The following AP3B1 variants were observed in gnomAD, a reference collection of about 807,000 sequenced individuals.
AP3B1 encodes the protein adaptor related protein complex 3 subunit beta 1, also known as AP-3 complex subunit beta-1.
A neutral mutation model predicts 132.5 loss-of-function variants in AP3B1; 61 were observed. That is an observed-to-expected ratio of 0.46 (90% CI 0.37 to 0.57). The LOEUF (loss-of-function observed/expected upper bound fraction) is 0.57, where lower values mean the gene tolerates loss of function less well. Among genes scored for constraint, AP3B1 ranks in the 20% least tolerant of loss-of-function variants. The probability of loss-of-function intolerance (pLI) is 0.00; values close to 1 mark genes in which losing one functional copy is unlikely to be tolerated. For missense variants in AP3B1, 1,120 were observed against 1,289.4 expected (o/e 0.87, Z 2.01); for synonymous variants, 388 against 438.3 (o/e 0.89, Z 1.43).
intron 2 of AP3B1, among the ~76,000 whole-genome samples, chr5:78,262,021 G>C (rs186279838): frequency 8.6e-5 from 13 of 152,046 alleles, no homozygotes; most frequent in African/African-American, 3.1e-4. Context: ...CGCCCACCTC[G>C]ACCTCCCAAA....
At chr5:78,267,479 T>TC in intron 2 of AP3B1, 41 bp downstream of exon 2, 4 of 1,164,910 alleles carry the variant, frequency 3.4e-6, no homozygotes, top group Non-Finnish European at 5.2e-6. Flanking sequence ...TCACTGCTTG[T>TC]CCATTTTTCC....
At chr5:78,080,071 C>T (rs943192244) in intron 22 of AP3B1, among the ~76,000 whole-genome samples, 6 of 152,090 alleles carry the variant, frequency 3.9e-5, no homozygotes, top group East Asian at 1.9e-4. Flanking sequence ...TGCAGTGGTG[C>T]GATCCTGGCT....
chr5:78,121,935 C>A (rs1752223621), intron 17 of AP3B1: 1 of 152,238 alleles, frequency 6.6e-6, no homozygotes, highest in Non-Finnish European at 1.5e-5. Flanking sequence ...AACATTGATG[C>A]AAAAATACTC....
intron 20 of AP3B1, among the ~76,000 whole-genome samples, chr5:78,108,995 C>T (rs1007762370): frequency 1.3e-5 from 2 of 152,012 alleles, no homozygotes; most frequent in Admixed American, 6.6e-5. Flanking sequence ...TATTTACTGT[C>T]GATTTGTAAC....
chr5:78,058,871 C>A (rs1261553726), intron 22 of AP3B1, among the ~76,000 whole-genome samples: 1 of 152,130 alleles, frequency 6.6e-6, no homozygotes, highest in Admixed American at 6.5e-5. Flanking sequence ...AGTGCCATCA[C>A]CCTGCCCTCC....
At chr5:78,192,980 A>G (rs77045853) in intron 7 of AP3B1, among the ~76,000 whole-genome samples, 3,779 of 152,306 alleles carry the variant, frequency 0.025, 167 homozygotes, top group African/African-American at 0.083. Flanking sequence ...AAACTAAGAC[A>G]GACTATAAAA....
chr5:78,189,949 C>T (rs548099953), intron 7 of AP3B1, among the ~76,000 whole-genome samples: 286 of 143,626 alleles, frequency 2.0e-3, no homozygotes, highest in African/African-American at 6.9e-3. Context: ...AAAAATTATG[C>T]AAACTAATAA....
chr5:78,217,537 T>C (rs1746013363), intron 6 of AP3B1, among the ~76,000 whole-genome samples: 1 of 152,104 alleles, frequency 6.6e-6, no homozygotes, highest in South Asian at 2.1e-4. Context: ...GTTATAGATA[T>C]GGCAAGGAAG....
At chr5:78,128,270 A>G (rs1284729243) in intron 16 of AP3B1, 110 bp from the exon 17 acceptor site, 4 of 1,003,416 alleles carry the variant, frequency 4.0e-6, no homozygotes, top group East Asian at 2.8e-5. Context: ...ATGTCAAGGA[A>G]TAAATATAGA....
At chr5:78,194,166 G>A (rs1329623140) in intron 7 of AP3B1, among the ~76,000 whole-genome samples, 1 of 152,020 alleles carries the variant, frequency 6.6e-6, no homozygotes, top group Non-Finnish European at 1.5e-5. Flanking sequence ...AGCTAGCATG[G>A]CTGTTATGAA....
intron 2 of AP3B1, among the ~76,000 whole-genome samples, chr5:78,246,270 T>C (rs959714946): frequency 4.6e-5 from 7 of 152,318 alleles, no homozygotes; most frequent in African/African-American, 1.7e-4. Flanking sequence ...TTACTTACAA[T>C]GGGTATAGCC....
chr5:78,282,377 GAA>G lies in AP3B1; in HGVS notation c.128+12073_128+12074del, dbSNP rs34172654. Among the ~76,000 whole-genome samples, 20 of 141,554 alleles carry G rather than the reference GAA, an allele frequency of 1.4e-4. No individual in the cohort carries two copies. The East Asian group carries it at 1.6e-3, about 12-fold the overall frequency. 92.9% of individuals were successfully genotyped at this position (141,554 alleles called of 152,430 possible). A position where few individuals can be genotyped will look rare whatever the true frequency, so the allele number is the denominator to read the frequency against. Reference sequence around the variant, plus strand: ...AGGATACAAAAGAAGACTGAAAATTGAAAAAAAAAAAAAGTTTAAAACAAATA... The same window carrying G: ...AGGATACAAAAGAAGACTGAAAATTGAAAAAAAAAAAGTTTAAAACAAATA... On this transcript the variant is annotated intron_variant, in intron 1 of 26. Transcript: ENST00000255194.
At chr5:78,238,076 A>G (rs1746958039) in intron 3 of AP3B1, among the ~76,000 whole-genome samples, 1 of 152,224 alleles carries the variant, frequency 6.6e-6, no homozygotes, top group Non-Finnish European at 1.5e-5. Context: ...GCAGTGGGCA[A>G]GCAAGTGAAG....
At chr5:78,080,092 T>C (rs1749926449) in intron 22 of AP3B1, among the ~76,000 whole-genome samples, 1 of 152,218 alleles carries the variant, frequency 6.6e-6, no homozygotes, top group Non-Finnish European at 1.5e-5. Context: ...CTTGACAATC[T>C]CAGCCTCCTA....
chr5:78,245,051 T>C (rs1173028388), intron 2 of AP3B1, among the ~76,000 whole-genome samples: 3 of 150,486 alleles, frequency 2.0e-5, no homozygotes, highest in African/African-American at 4.9e-5. Flanking sequence ...AAACCACCCA[T>C]AGGGTACCCA....
At chr5:78,043,605 G>A in intron 22 of AP3B1, 1 of 483,684 alleles carries the variant, frequency 2.1e-6, no homozygotes, top group Non-Finnish European at 4.2e-6. Flanking sequence ...TTAAGGTGGA[G>A]GGTCACTTTG....
At chr5:78,031,661 G>T (rs1246582930) in intron 24 of AP3B1, among the ~76,000 whole-genome samples, 2 of 148,070 alleles carry the variant, frequency 1.4e-5, no homozygotes, top group Non-Finnish European at 2.9e-5. Context: ...TACTCATGCT[G>T]TGCTTGATGT....
chr5:78,154,878 G>T (rs1262260673), intron 14 of AP3B1, among the ~76,000 whole-genome samples: 1 of 152,114 alleles, frequency 6.6e-6, no homozygotes, highest in Non-Finnish European at 1.5e-5. Context: ...ATTTCTTTGA[G>T]TTTTCTCAAG....
chr5:78,177,315 A>C (rs1395767942), intron 9 of AP3B1, 24 bp downstream of exon 9: 1 of 1,514,036 alleles, frequency 6.6e-7, no homozygotes, highest in African/African-American at 1.4e-5. Context: ...CAAAAGAAAA[A>C]ATATATATAA....
Sources: allele counts gnomAD v4.1 joint callset (sites outside exome capture counted in the v4.1 genomes callset), GRCh38; gene constraint gnomAD v4.1.1; transcripts MANE v1.5; gene names NCBI Gene and HGNC (gene_info 2026-07-23, HGNC 2026-07-21).